The following PPM1H variants were observed in gnomAD, a reference collection of about 807,000 sequenced individuals.
PPM1H encodes the protein protein phosphatase, Mg2+/Mn2+ dependent 1H.
In PPM1H, 27 loss-of-function variants were observed where a neutral mutation model predicts 54.9. The observed-to-expected ratio is 0.49, with a 90% CI of 0.36 to 0.68. PPM1H has a LOEUF of 0.68. Among genes scored for constraint, PPM1H ranks in the 30% least tolerant of loss-of-function variants. The pLI, the probability that PPM1H is intolerant of heterozygous loss-of-function variation, is 0.00. For missense variants in PPM1H, 596 were observed against 667.8 expected, an observed-to-expected ratio of 0.89 and a Z score of 1.19; for synonymous variants, 305 against 270.8, an observed-to-expected ratio of 1.13 and a Z score of -1.24.
intron 1 of PPM1H, among the ~76,000 whole-genome samples, chr12:62,891,151 A>G (rs540858337): frequency 2.0e-5 from 3 of 151,532 alleles, no homozygotes; most frequent in Non-Finnish European, 4.4e-5. Context: ...ATTCTAGAGC[A>G]TATTTTTCCT....
intron 1 of PPM1H, among the ~76,000 whole-genome samples, chr12:62,886,162 A>G (rs1870581182): frequency 6.6e-6 from 1 of 152,110 alleles, no homozygotes; most frequent in African/African-American, 2.4e-5. Flanking sequence ...TTTCATCACT[A>G]TTGTCTTTGG....
At chr12:62,840,253 C>T (rs1565805833) in intron 1 of PPM1H, 1 of 152,176 alleles carries the variant, frequency 6.6e-6, no homozygotes, top group African/African-American at 2.4e-5. Context: ...TGTGACCTCA[C>T]ATGGCAGAAG....
chr12:62,926,187 C>A (rs1592674241), intron 1 of PPM1H, among the ~76,000 whole-genome samples: 1 of 152,188 alleles, frequency 6.6e-6, no homozygotes, highest in East Asian at 1.9e-4. Flanking sequence ...GGAGAAGTCA[C>A]CCGTGCCCTG....
At chr12:62,748,825 GT>G (rs1166241614) in intron 4 of PPM1H, among the ~76,000 whole-genome samples, 4 of 152,144 alleles carry the variant, frequency 2.6e-5, no homozygotes, top group African/African-American at 9.7e-5. Flanking sequence ...GTGATTATAG[GT>G]GCCAACTCCA....
intron 8 of PPM1H, among the ~76,000 whole-genome samples, chr12:62,669,735 C>T (rs1157339810): frequency 6.6e-6 from 1 of 152,008 alleles, no homozygotes; most frequent in African/African-American, 2.4e-5. Flanking sequence ...AGTTCGTGAC[C>T]AGCCTGGGCA....
intron 1 of PPM1H, among the ~76,000 whole-genome samples, chr12:62,854,252 G>A (rs912934268): frequency 6.6e-6 from 1 of 152,082 alleles, no homozygotes; most frequent in African/African-American, 2.4e-5. Context: ...GATCACTCAG[G>A]CAACTCTTAA....
chr12:62,758,967 G>T (rs2076490925), intron 4 of PPM1H, among the ~76,000 whole-genome samples: 1 of 152,246 alleles, frequency 6.6e-6, no homozygotes, highest in Admixed American at 6.5e-5. Context: ...CCTTAAGAAG[G>T]TTCTTTGTAA....
intron 4 of PPM1H, among the ~76,000 whole-genome samples, chr12:62,752,627 T>G (rs2076448396): frequency 6.6e-6 from 1 of 152,162 alleles, no homozygotes; most frequent in Admixed American, 6.5e-5. Context: ...TCCATAATTT[T>G]TAATTTTATT....
At chr12:62,755,280 C>G in intron 4 of PPM1H, 1 of 847,454 alleles carries the variant, frequency 1.2e-6, no homozygotes, top group East Asian at 2.5e-5. Context: ...GCCTAGTCAC[C>G]AGGGCGGTTT....
intron 1 of PPM1H, among the ~76,000 whole-genome samples, chr12:62,913,739 T>C (rs1187964399): frequency 6.6e-6 from 1 of 152,170 alleles, no homozygotes; most frequent in Admixed American, 6.5e-5. Flanking sequence ...CTCACTCAGT[T>C]GTCCAGGCTG....
At position 62,925,683 on chromosome 12, in the gene PPM1H, G is replaced by A. The variant is rs73320112; in HGVS notation, c.245+8809C>T. Among the ~76,000 whole-genome samples the A allele has an allele frequency of 5.6e-3, 854 of 152,284 alleles. 6 individuals carry two copies. The highest frequency in any genetic ancestry group is 0.02 in the African/African-American group (810 of 41,536). On this transcript the variant is annotated intron_variant, in intron 1 of 9. Transcript: ENST00000228705. ...GAGCTACATCATCTTATATTAACAT[G>A]TAATACTCATTTATTGGTACAAACC...
rs1227453891 is a variant in PPM1H, at chr12:62,667,297, A to G, written c.1278T>C (p.His426=). ...VRIYDLSKYD[H]GSDDVLILAT... Reference sequence around the variant, plus strand: ...CCAAGATCAGCACATCATCTGATCCATGATCATATTTTGAAAGATCGTAGA... The same window carrying G: ...CCAAGATCAGCACATCATCTGATCCGTGATCATATTTTGAAAGATCGTAGA... The change falls in exon 9 of 10, where the codon CAT becomes CAC. Residue 426 remains histidine, a synonymous_variant. Transcript: ENST00000228705. 1 of 1,604,596 alleles carries G rather than the reference A, an allele frequency of 6.2e-7. No individual in the cohort carries two copies. The highest frequency in any genetic ancestry group is 8.5e-7 in the Non-Finnish European group (1 of 1,174,508).
intron 8 of PPM1H, among the ~76,000 whole-genome samples, chr12:62,674,935 C>T (rs950372809): frequency 1.3e-5 from 2 of 152,132 alleles, no homozygotes; most frequent in African/African-American, 4.8e-5. Context: ...AGAGGTTAGG[C>T]CTAGGTGGCC....
chr12:62,756,024 C>G, intron 4 of PPM1H: 6 of 1,413,246 alleles, frequency 4.2e-6, no homozygotes, highest in Non-Finnish European at 5.9e-6. Flanking sequence ...AGCAGGCGTC[C>G]GAGACCCCCT....
intron 1 of PPM1H, among the ~76,000 whole-genome samples, chr12:62,845,141 A>G (rs1868913946): frequency 6.6e-6 from 1 of 152,264 alleles, no homozygotes; most frequent in African/African-American, 2.4e-5. Flanking sequence ...GACTACTGCA[A>G]AGGAGGGAAA....
chr12:62,666,588 G>A (rs1368203645), intron 9 of PPM1H, among the ~76,000 whole-genome samples: 1 of 152,190 alleles, frequency 6.6e-6, no homozygotes, highest in Non-Finnish European at 1.5e-5. Flanking sequence ...TACTTTAGAG[G>A]ATAGCTTAGA....
intron 4 of PPM1H, among the ~76,000 whole-genome samples, chr12:62,754,411 C>T (rs2076458611): frequency 6.6e-6 from 1 of 152,076 alleles, no homozygotes. Context: ...AGCAAAAACA[C>T]AAAATATTAG....
rs2075792983 is a variant in PPM1H at position 62,647,560 on chromosome 12, C to A, written c.*929G>T. On this transcript the variant is annotated 3_prime_UTR_variant, in exon 10 of 10. Coordinates refer to ENST00000228705, the MANE Select transcript of PPM1H (RefSeq NM_020700.2). ...ATACAGAAAAGTGGGATGGGGCCAG[C>A]CATTCCAGAAATGAAAATCCAGACT... 6.6e-6 allele frequency: 1 copy of A among 152,172 alleles called. No homozygotes were observed. Among genetic ancestry groups the A allele is most frequent in the Non-Finnish European group, 1.5e-5 (1 of 68,114 alleles). The allele number at this position is 152,172 out of a possible 1,614,324, so 9.4% of individuals were successfully genotyped here. A position where few individuals can be genotyped will look rare whatever the true frequency, so the allele number is the denominator to read the frequency against.
At chr12:62,705,560 C>G (rs1459050423) in intron 6 of PPM1H, among the ~76,000 whole-genome samples, 1 of 152,130 alleles carries the variant, frequency 6.6e-6, no homozygotes, top group Non-Finnish European at 1.5e-5. Flanking sequence ...TAAAACAGAA[C>G]TAATAATATT....
Sources: gnomAD v4.1 joint callset for allele counts (sites outside exome capture counted in the v4.1 genomes callset) on GRCh38, gnomAD v4.1.1 for gene constraint, MANE v1.5 for transcripts, NCBI Gene and HGNC (gene_info 2026-07-23, HGNC 2026-07-21) for gene names.